Variants in LZIC observed in about 807,000 individuals in gnomAD.
LZIC encodes the protein leucine zipper and CTNNBIP1 domain containing.
In LZIC, 28 loss-of-function variants were observed where a neutral mutation model predicts 25.4. The observed-to-expected ratio is 1.10, with a 90% CI of 0.82 to 1.51. LZIC has a LOEUF of 1.51. LZIC is among the 40% of genes most tolerant of loss of function. The probability of loss-of-function intolerance (pLI) is 0.00; values close to 1 mark genes in which losing one functional copy is unlikely to be tolerated. For missense variants in LZIC, 170 were observed against 211.1 expected (o/e 0.81, Z 1.21); for synonymous variants, 65 against 70.7 (o/e 0.92, Z 0.40).
chr1:9,930,015 C>T lies in LZIC; in HGVS notation c.*384G>A. 5 of 1,005,048 alleles carry T rather than the reference C, an allele frequency of 5.0e-6. No homozygotes were observed. The highest frequency in any genetic ancestry group is 5.9e-6 in the Non-Finnish European group (5 of 841,022). 62.3% of individuals were successfully genotyped at this position (1,005,048 alleles called of 1,614,324 possible). On this transcript the variant is annotated 3_prime_UTR_variant, in exon 8 of 8. Transcript: ENST00000377223. Reference sequence around the variant, plus strand: ...TCTATTGAGCTTGCGTCACTGTTCACTCCAATGAGTGGGGATAAGTTGTAA... The same window carrying T: ...TCTATTGAGCTTGCGTCACTGTTCATTCCAATGAGTGGGGATAAGTTGTAA...
At chr1:9,922,719 A>T (rs1639892685), downstream of LZIC, among the ~76,000 whole-genome samples, 3 of 152,236 alleles carry the variant, frequency 2.0e-5, no homozygotes, top group Admixed American at 2.0e-4. Flanking sequence ...AGGCTCACAG[A>T]GGAGGATGCA....
At chr1:9,941,565 T>C (rs1348971066) in intron 2 of LZIC, among the ~76,000 whole-genome samples, 2 of 149,394 alleles carry the variant, frequency 1.3e-5, no homozygotes, top group Non-Finnish European at 3.0e-5. Flanking sequence ...AGTGGCACGA[T>C]CTCGGCTCAC....
rs544536602 is a variant in LZIC, at chr1:9,941,867, G to A, written c.-9+757C>T. 2.0e-5 allele frequency among the ~76,000 whole-genome samples: 3 copies of A among 152,132 alleles called. No homozygotes were observed. The South Asian group carries it at 6.2e-4, about 32-fold the overall frequency. ...ACAAAAAGTGCCGAATAAACAACTGGTAGATGAATAATGAGAATTGATTGC... is the reference window on the plus strand; with the variant it reads ...ACAAAAAGTGCCGAATAAACAACTGATAGATGAATAATGAGAATTGATTGC... On this transcript the variant is annotated intron_variant, in intron 2 of 7. Transcript: ENST00000377223.
chr1:9,923,411 T>C (rs748039516), downstream of LZIC, among the ~76,000 whole-genome samples: 1 of 151,882 alleles, frequency 6.6e-6, no homozygotes, highest in Non-Finnish European at 1.5e-5. Context: ...GGTTTCGCCA[T>C]GTTGGCCAGG....
intron 2 of LZIC, among the ~76,000 whole-genome samples, chr1:9,942,004 C>T (rs911478773): frequency 1.3e-5 from 2 of 152,076 alleles, no homozygotes; most frequent in African/African-American, 4.8e-5. Context: ...GCAACCTCAG[C>T]CTCCTGGGTT....
At chr1:9,926,063 T>C (rs1029283027), downstream of LZIC, among the ~76,000 whole-genome samples, 1 of 151,796 alleles carries the variant, frequency 6.6e-6, no homozygotes, top group Admixed American at 6.6e-5. Context: ...CCAGCTAATT[T>C]TTTGTATTTT....
intron 2 of LZIC, among the ~76,000 whole-genome samples, chr1:9,939,390 G>A (rs1283166539): frequency 1.3e-5 from 1 of 76,712 alleles, no homozygotes; most frequent in Non-Finnish European, 2.9e-5. Context: ...TTTTGACACA[G>A]AGTATCGCTC....
chr1:9,927,900 C>T lies in LZIC; in HGVS notation c.*2499G>A, dbSNP rs1424465587. Among the ~76,000 whole-genome samples the T allele has an allele frequency of 6.6e-6, 1 of 151,694 alleles. No homozygotes were observed. The highest frequency in any genetic ancestry group is 2.0e-4 in the East Asian group (1 of 5,102). On this transcript the variant is annotated 3_prime_UTR_variant, in exon 8 of 8. Coordinates refer to ENST00000377223, the MANE Select transcript of LZIC (RefSeq NM_032368.5). ...GTGTTGGCCAGGCTGGTCTTGAGCTCCTGATCTTGTGATCCGCCCGCCTTG... is the reference window on the plus strand; with the variant it reads ...GTGTTGGCCAGGCTGGTCTTGAGCTTCTGATCTTGTGATCCGCCCGCCTTG...
intron 3 of LZIC, 36 bp downstream of exon 3, chr1:9,936,481 CCA>C (rs1201556947): frequency 6.8e-7 from 1 of 1,463,096 alleles, no homozygotes; most frequent in Admixed American, 1.7e-5. Context: ...AGAAAAAACG[CCA>C]GTTTCCAGCA....
downstream of LZIC, chr1:9,922,198 T>G: frequency 1.5e-6 from 1 of 665,350 alleles, no homozygotes; most frequent in Non-Finnish European, 1.9e-6. Context: ...CATATTCTTG[T>G]GCTGGGCTTT....
chr1:9,931,910 C>G lies in LZIC; in HGVS notation c.495G>C (p.Glu165Asp). 6.2e-7 allele frequency: 1 copy of G among 1,613,612 alleles called. No homozygotes were observed. The highest frequency in any genetic ancestry group is 2.2e-5 in the East Asian group (1 of 44,860). The part of the protein sequence containing the change: ...ANAGAILSQF[E>D]KVSTDLGSGD... Reference sequence around the variant, plus strand: ...ACTCACCAAGGTCTGTAGAGACTTTCTCAAACTGGCTGAGTATAGCACCTG... The same window carrying G: ...ACTCACCAAGGTCTGTAGAGACTTTGTCAAACTGGCTGAGTATAGCACCTG... Residue 165 changes from glutamate (E) to aspartate (D), a missense_variant, in exon 7 of 8, where the codon GAG (glutamate) becomes GAC (aspartate). Physicochemically the swap from Glu to Asp is conservative, Grantham distance 45. Coordinates refer to ENST00000377223, the MANE Select transcript of LZIC (RefSeq NM_032368.5).
At position 9,929,012 on chromosome 1, in the gene LZIC, T is replaced by C. The variant is rs1016386137; in HGVS notation, c.*1387A>G. On this transcript the variant is annotated 3_prime_UTR_variant, in exon 8 of 8. Coordinates refer to ENST00000377223, the MANE Select transcript of LZIC (RefSeq NM_032368.5). The stretch of plus-strand genomic sequence containing the variant: ...AGACAGGGTGCAGATTAGTGGCTAT[T>C]GTTAGCAGTCGGAGGAGAAGGGAAT... 2 of 152,148 alleles carry C rather than the reference T, an allele frequency of 1.3e-5. No homozygotes were observed. The highest frequency in any genetic ancestry group is 2.9e-5 in the Non-Finnish European group (2 of 68,102). The allele number at this position is 152,148 out of a possible 1,614,324, so 9.4% of individuals were successfully genotyped here. A position where few individuals can be genotyped will look rare whatever the true frequency, so the allele number is the denominator to read the frequency against.
intron 1 of LZIC, 43 bp from the exon 2 acceptor site, chr1:9,942,825 A>C: frequency 5.1e-6 from 3 of 593,516 alleles, no homozygotes; most frequent in Admixed American, 2.4e-5. Context: ...TATTTGCTAT[A>C]TATAAACTTG....
At chr1:9,924,971 C>T (rs79995992), downstream of LZIC, among the ~76,000 whole-genome samples, 2,537 of 152,050 alleles carry the variant, frequency 0.017, 46 homozygotes, top group African/African-American at 0.045. Flanking sequence ...CAGTTACAGT[C>T]GCCAGAGGCT....
At chr1:9,925,730 C>G (rs1639964193), downstream of LZIC, among the ~76,000 whole-genome samples, 1 of 151,752 alleles carries the variant, frequency 6.6e-6, no homozygotes, top group African/African-American at 2.4e-5. Flanking sequence ...GCTGGGATTA[C>G]AGGCACACGC....
intron 5 of LZIC, among the ~76,000 whole-genome samples, chr1:9,933,895 C>A (rs1640342844): frequency 6.8e-6 from 1 of 146,198 alleles, no homozygotes. Flanking sequence ...CAAAGTAAGA[C>A]CCTGCCTCAA....
Position 9,942,676 on chromosome 1 carries a change from CA to C in LZIC, c.-62del, listed in dbSNP as rs1481201969. 7.8e-7 allele frequency: 1 copy of C among 1,289,388 alleles called. No homozygotes were observed. Among genetic ancestry groups the C allele is most frequent in the South Asian group, 1.2e-5 (1 of 81,028 alleles). The allele number at this position is 1,289,388 out of a possible 1,614,324, so 79.9% of individuals were successfully genotyped here. A position where few individuals can be genotyped will look rare whatever the true frequency, so the allele number is the denominator to read the frequency against. On this transcript the variant is annotated 5_prime_UTR_variant, in exon 2 of 8. It introduces an in-frame stop codon into an upstream open reading frame of the 5' UTR. Coordinates refer to ENST00000377223, the MANE Select transcript of LZIC (RefSeq NM_032368.5). The stretch of plus-strand genomic sequence containing the variant: ...CAGTGCCGACCGGTCTCAAATTGCA[CA>C]AACCTCCAGTTCTTGACGTTCCGAG...
In LZIC at chr1:9,939,542, C is replaced by CT. The variant is rs34837155; in HGVS notation, c.-8-2916dup. Among the ~76,000 whole-genome samples, 122 of 81,970 alleles carry CT rather than the reference C, an allele frequency of 1.5e-3. 2 individuals are homozygous for CT. Among genetic ancestry groups the CT allele is most frequent in the African/African-American group, 4.7e-3 (108 of 23,174 alleles). The allele number at this position is 81,970 out of a possible 152,430, so 53.8% of individuals were successfully genotyped here. ...ATTACAGGTGTGCCACCACATCTGC[C>CT]TTTTTTTTTTTTTTTTTTTTTGGTA... On this transcript the variant is annotated intron_variant, in intron 2 of 7. Coordinates refer to ENST00000377223, the MANE Select transcript of LZIC (RefSeq NM_032368.5).
chr1:9,931,974 T>C lies in LZIC; in HGVS notation c.433-2A>G. Reference sequence around the variant, plus strand: ...GAAGGCCTCATCATCTGCAGTCAGCTAAACAAAATGAAACAAAGTCCAGTT... The same window carrying C: ...GAAGGCCTCATCATCTGCAGTCAGCCAAACAAAATGAAACAAAGTCCAGTT... On this transcript the variant is annotated splice_acceptor_variant, in intron 6 of 7. Transcript: ENST00000377223. LOFTEE classifies it high-confidence loss of function. The C allele has an allele frequency of 3.7e-6, 6 of 1,610,924 alleles. No homozygotes were observed. The highest frequency in any genetic ancestry group is 5.1e-6 in the Non-Finnish European group (6 of 1,178,242).
Sources: allele counts gnomAD v4.1 joint callset (sites outside exome capture counted in the v4.1 genomes callset), GRCh38; gene constraint gnomAD v4.1.1; transcripts MANE v1.5; gene names NCBI Gene and HGNC (gene_info 2026-07-23, HGNC 2026-07-21).